Variants in CNTNAP4 observed in about 807,000 individuals in gnomAD.
CNTNAP4 encodes the protein contactin-associated protein-like 4.
A neutral mutation model predicts 148.4 loss-of-function variants in CNTNAP4; 98 were observed. That is an observed-to-expected ratio of 0.66 (90% confidence interval 0.56 to 0.78). CNTNAP4 has a LOEUF of 0.78. Ranked by LOEUF, CNTNAP4 falls within the 30% of genes least tolerant of loss-of-function variation. CNTNAP4 has a pLI of 0.00. For synonymous variants in CNTNAP4, 730 were observed against 565.1 expected (o/e 1.29, Z -4.14); for missense variants, 1,935 against 1,565.6 (o/e 1.24, Z -3.98).
chr16:76,466,341 A>T (rs1378055615), intron 9 of CNTNAP4, among the ~76,000 whole-genome samples: 1 of 152,200 alleles, frequency 6.6e-6, no homozygotes, highest in African/African-American at 2.4e-5. Context: ...CTACTATAGG[A>T]TAGCACAAGA....
At chr16:76,385,463 C>G (rs1466632810) in intron 3 of CNTNAP4, among the ~76,000 whole-genome samples, 1 of 151,512 alleles carries the variant, frequency 6.6e-6, no homozygotes, top group Non-Finnish European at 1.5e-5. Flanking sequence ...TGTAATTTTT[C>G]TTCATGCAAA....
intron 3 of CNTNAP4, among the ~76,000 whole-genome samples, chr16:76,403,937 T>G (rs2078508542): frequency 6.6e-6 from 1 of 152,156 alleles, no homozygotes; most frequent in African/African-American, 2.4e-5. Context: ...ATTAGCAAAC[T>G]AATGTAGGAA....
intron 1 of CNTNAP4, among the ~76,000 whole-genome samples, chr16:76,295,326 T>C (rs1013101255): frequency 6.6e-6 from 1 of 152,150 alleles, no homozygotes; most frequent in African/African-American, 2.4e-5. Flanking sequence ...AGTGGCCAGG[T>C]CATGAGGAAT....
rs185818784 is a variant in CNTNAP4, at chr16:76,552,812, T to C, written c.3443-471T>C. Among the ~76,000 whole-genome samples the C allele has an allele frequency of 2.5e-4, 38 of 152,282 alleles. No individual in the cohort carries two copies. The East Asian group carries it at 7.0e-3, about 28-fold the overall frequency. ...CTTTCAGCCATAACAAATTGTCGGG[T>C]TGGGCATCTGATAACAGAAGTCCAG... is the stretch of plus-strand genomic sequence containing the variant. On this transcript the variant is annotated intron_variant, in intron 21 of 23. Coordinates refer to ENST00000611870, the MANE Select transcript of CNTNAP4 (RefSeq NM_033401.5).
chr16:76,480,994 A>C (rs1419134454), intron 12 of CNTNAP4, among the ~76,000 whole-genome samples: 1 of 152,228 alleles, frequency 6.6e-6, no homozygotes, highest in Non-Finnish European at 1.5e-5. Flanking sequence ...GGATATAGGC[A>C]TTATACTGAT....
intron 1 of CNTNAP4, among the ~76,000 whole-genome samples, chr16:76,294,962 T>A (rs1215540584): frequency 1.3e-5 from 2 of 152,188 alleles, no homozygotes; most frequent in Non-Finnish European, 2.9e-5. Flanking sequence ...AAATGTATTG[T>A]ATTGTTTAAG....
chr16:76,365,788 G>C (rs1188927898), intron 3 of CNTNAP4, among the ~76,000 whole-genome samples: 1 of 149,946 alleles, frequency 6.7e-6, no homozygotes, highest in Non-Finnish European at 1.5e-5. Context: ...GAATCATCTG[G>C]GTAATTACTT....
intron 3 of CNTNAP4, among the ~76,000 whole-genome samples, chr16:76,399,732 T>C (rs2078335877): frequency 6.6e-6 from 1 of 152,250 alleles, no homozygotes; most frequent in Non-Finnish European, 1.5e-5. Context: ...TATAATCTTA[T>C]CACTTAAAAG....
At chr16:76,447,106 G>A (rs573372714) in intron 4 of CNTNAP4, among the ~76,000 whole-genome samples, 16 of 151,908 alleles carry the variant, frequency 1.1e-4, no homozygotes, top group South Asian at 2.1e-4. Flanking sequence ...CCAGGAATTC[G>A]AGACCAGCCT....
intron 4 of CNTNAP4, among the ~76,000 whole-genome samples, chr16:76,428,596 A>G (rs570795942): frequency 2.4e-4 from 36 of 152,252 alleles, no homozygotes; most frequent in African/African-American, 8.2e-4. Context: ...TCTATCCGAC[A>G]GAGAGATCAC....
chr16:76,411,362 A>T (rs1010433213), intron 3 of CNTNAP4, among the ~76,000 whole-genome samples: 1 of 151,476 alleles, frequency 6.6e-6, no homozygotes, highest in African/African-American at 2.4e-5. Flanking sequence ...TGACTGTATA[A>T]AAACAATAGA....
chr16:76,373,628 C>G (rs1449351094), intron 3 of CNTNAP4, among the ~76,000 whole-genome samples: 4 of 152,228 alleles, frequency 2.6e-5, no homozygotes, highest in African/African-American at 9.6e-5. Context: ...AGTGGCTCAT[C>G]TCATGCCTGT....
Position 76,540,190 on chromosome 16 carries a change from T to C in CNTNAP4, c.3354+338T>C, listed in dbSNP as rs867867314. 1.3e-4 allele frequency among the ~76,000 whole-genome samples: 20 copies of C among 152,184 alleles called. 1 individual carries two copies. In the Middle Eastern group the frequency reaches 0.01, roughly 78 times the overall value. On this transcript the variant is annotated intron_variant, in intron 20 of 23. Transcript: ENST00000611870. ...TAATAAATCTATCAGAAAATAATGA[T>C]TGTAATATCAGAATTTTTGTTAATG... is the stretch of plus-strand genomic sequence containing the variant.
chr16:76,470,842 C>T (rs778871972), intron 10 of CNTNAP4, among the ~76,000 whole-genome samples: 29 of 151,990 alleles, frequency 1.9e-4, no homozygotes, highest in Non-Finnish European at 3.7e-4. Flanking sequence ...TATTCACACA[C>T]ACTCTACACA....
At chr16:76,504,492 A>G (rs527860637) in intron 15 of CNTNAP4, among the ~76,000 whole-genome samples, 1 of 152,198 alleles carries the variant, frequency 6.6e-6, no homozygotes, top group Non-Finnish European at 1.5e-5. Flanking sequence ...ACTTAAATCT[A>G]AAACCACAAA....
intron 23 of CNTNAP4, among the ~76,000 whole-genome samples, chr16:76,556,222 A>C (rs1055526077): frequency 3.3e-5 from 5 of 152,170 alleles, no homozygotes; most frequent in African/African-American, 9.7e-5. Flanking sequence ...GTTTCTGGCC[A>C]GGCTACCCAG....
In CNTNAP4 at chr16:76,372,586, T is replaced by G. The variant is rs145406677; in HGVS notation, c.390+17075T>G. ...CTGGTAGTGAGTAAGTCTCATGAGA[T>G]CTGATGGTTTTGTAAAGGGTTTCCC... On this transcript the variant is annotated intron_variant, in intron 3 of 23. Coordinates refer to ENST00000611870, the MANE Select transcript of CNTNAP4 (RefSeq NM_033401.5). Among the ~76,000 whole-genome samples, 682 of 152,258 alleles carry G rather than the reference T, an allele frequency of 4.5e-3. 2 individuals carry two copies. The highest frequency in any genetic ancestry group is 0.016 in the African/African-American group (653 of 41,558).
intron 3 of CNTNAP4, among the ~76,000 whole-genome samples, chr16:76,377,765 AAT>A: frequency 6.6e-6 from 1 of 152,326 alleles, no homozygotes; most frequent in South Asian, 2.1e-4. Flanking sequence ...ACAAGGAAGA[AAT>A]AAAAATTCTC....
chr16:76,289,106 C>A (rs1315445017), intron 1 of CNTNAP4, among the ~76,000 whole-genome samples: 2 of 152,062 alleles, frequency 1.3e-5, no homozygotes, highest in Non-Finnish European at 2.9e-5. Context: ...ATTTGATAGG[C>A]CACTACATCA....
Sources: gnomAD v4.1 joint callset for allele counts (sites outside exome capture counted in the v4.1 genomes callset) on GRCh38, gnomAD v4.1.1 for gene constraint, MANE v1.5 for transcripts, NCBI Gene and HGNC (gene_info 2026-07-23, HGNC 2026-07-21) for gene names.